HTR2C: variants seen among roughly 807,000 people sequenced by gnomAD.
HTR2C encodes the protein 5-hydroxytryptamine (serotonin) receptor 2C, G protein-coupled.
In HTR2C, 5 loss-of-function variants were observed where a neutral mutation model predicts 21.0. The ratio of observed to expected loss-of-function variants is 0.24; its 90% CI spans 0.12 to 0.50. The LOEUF (loss-of-function observed/expected upper bound fraction) is 0.50, where lower values mean the gene tolerates loss of function less well. Ranked by LOEUF, HTR2C falls within the 20% of genes least tolerant of loss-of-function variation. The pLI is 0.98. For synonymous variants in HTR2C, 150 were observed against 145.3 expected (o/e 1.03, Z -0.23); for missense variants, 271 against 371.2 (o/e 0.73, Z 2.22).
intron 4 of HTR2C, among the ~76,000 whole-genome samples, chrX:114,756,858 G>A (rs1262076446): frequency 1.8e-5 from 2 of 110,116 alleles, no homozygotes; most frequent in African/African-American, 6.6e-5. Context: ...GTGATCTCTC[G>A]GCATAATTTA....
At chrX:114,811,375 G>C (rs2147448992) in intron 4 of HTR2C, among the ~76,000 whole-genome samples, 1 of 109,595 alleles carries the variant, frequency 9.1e-6, no homozygotes, top group East Asian at 2.9e-4. Flanking sequence ...TTTATAGAAT[G>C]CTGTAAAGTC....
chrX:114,640,058 A>G (rs1387557445), intron 2 of HTR2C, among the ~76,000 whole-genome samples: 1 of 111,701 alleles, frequency 9.0e-6, no homozygotes, highest in Non-Finnish European at 1.9e-5. Context: ...AAGTAAATAT[A>G]ATCATCATTG....
chrX:114,696,412 C>T (rs372092466), intron 2 of HTR2C, among the ~76,000 whole-genome samples: 2 of 110,466 alleles, frequency 1.8e-5, no homozygotes, highest in African/African-American at 6.6e-5. Context: ...TACCGAGAAA[C>T]GAAAAAGAAT....
chrX:114,786,339 G>T (rs782693733), intron 4 of HTR2C, among the ~76,000 whole-genome samples: 73 of 111,676 alleles, frequency 6.5e-4, no homozygotes, highest in African/African-American at 2.3e-3. Flanking sequence ...TACAGAAAGG[G>T]TTACACATGA....
chrX:114,786,863 G>GT (rs1472712012), intron 4 of HTR2C, among the ~76,000 whole-genome samples: 1 of 110,494 alleles, frequency 9.1e-6, no homozygotes, highest in Non-Finnish European at 1.9e-5. Context: ...TGGGATTTTT[G>GT]TTTTTTTGTT....
At chrX:114,741,531 A>AAAAAAAAAAAAAAAAAAAT (rs2069647318) in intron 4 of HTR2C, among the ~76,000 whole-genome samples, 1 of 83,067 alleles carries the variant, frequency 1.2e-5, no homozygotes, top group African/African-American at 4.1e-5. Flanking sequence ...GTCTAAAAAA[A>AAAAAAAAAAAAAAAAAAAT]AAAAAAAAAA....
chrX:114,663,903 A>G (rs1931082221), intron 2 of HTR2C, among the ~76,000 whole-genome samples: 1 of 111,657 alleles, frequency 9.0e-6, no homozygotes, highest in South Asian at 3.8e-4. Flanking sequence ...AATTCTGACT[A>G]GATCATTTCC....
intron 5 of HTR2C, among the ~76,000 whole-genome samples, chrX:114,896,134 T>C (rs2147531861): frequency 8.9e-6 from 1 of 112,304 alleles, no homozygotes; most frequent in East Asian, 2.8e-4. Context: ...ATGGTTGTAA[T>C]TTGATTTTCC....
At chrX:114,743,851 A>G (rs1397329931) in intron 4 of HTR2C, among the ~76,000 whole-genome samples, 2 of 112,408 alleles carry the variant, frequency 1.8e-5, no homozygotes, top group Non-Finnish European at 3.8e-5. Flanking sequence ...AATAAAAAGT[A>G]ATGAACTATT....
intron 2 of HTR2C, chrX:114,715,295 C>G (rs1465798616): frequency 5.2e-6 from 2 of 383,324 alleles, no homozygotes; most frequent in Admixed American, 2.6e-5. Context: ...TGTTATTTGG[C>G]AATAAATACA....
intron 2 of HTR2C, among the ~76,000 whole-genome samples, chrX:114,722,706 T>C (rs1933271388): frequency 9.5e-6 from 1 of 105,324 alleles, no homozygotes; most frequent in Non-Finnish European, 2.0e-5. Context: ...CCTAATTTAT[T>C]GTGAGTTTTT....
At chrX:114,803,958 C>T (rs180679922) in intron 4 of HTR2C, among the ~76,000 whole-genome samples, 1 of 111,835 alleles carries the variant, frequency 8.9e-6, no homozygotes, top group Admixed American at 9.6e-5. Context: ...TTTAAAGGAA[C>T]ACCTAAATTG....
intron 2 of HTR2C, among the ~76,000 whole-genome samples, chrX:114,660,612 A>G (rs1490474372): frequency 8.9e-6 from 1 of 112,424 alleles, no homozygotes; most frequent in East Asian, 2.8e-4. Context: ...TGTGCATAAA[A>G]TTGCACATGA....
chrX:114,775,553 A>G, intron 4 of HTR2C: 1 of 497,614 alleles, frequency 2.0e-6, no homozygotes, highest in South Asian at 2.5e-5. Flanking sequence ...GAGGACAGTC[A>G]TGACTCCACC....
Position 114,906,618 on chromosome X carries a change from C to T in HTR2C, c.580C>T (p.Leu194=), listed in dbSNP as rs1556486775. 1.3e-5 allele frequency: 16 copies of T among 1,206,883 alleles called. No individual in the cohort carries two copies. The highest frequency in any genetic ancestry group is 1.8e-5 in the Non-Finnish European group (16 of 892,776). The change falls in exon 6 of 6, where the codon CTG becomes TTG. Residue 194 remains leucine, a synonymous_variant. Coordinates refer to ENST00000276198, the MANE Select transcript of HTR2C (RefSeq NM_000868.4). The part of the protein sequence containing the change: ...GVSVPIPVIG[L]RDEEKVFVNN... ...ATCAGTTCCTATCCCTGTGATTGGACTGAGGGACGAAGAAAAGGTGTTCGT... is the reference window on the plus strand; with the variant it reads ...ATCAGTTCCTATCCCTGTGATTGGATTGAGGGACGAAGAAAAGGTGTTCGT...
chrX:114,805,895 A>G (rs1431577326), intron 4 of HTR2C, among the ~76,000 whole-genome samples: 10 of 98,421 alleles, frequency 1.0e-4, no homozygotes. Flanking sequence ...TATACCATAT[A>G]TATACATCAT....
At chrX:114,839,943 G>A (rs782101208) in intron 4 of HTR2C, among the ~76,000 whole-genome samples, 2 of 110,884 alleles carry the variant, frequency 1.8e-5, no homozygotes, top group South Asian at 3.9e-4. Flanking sequence ...CATTTGAGCT[G>A]TAGCCCAAAT....
intron 2 of HTR2C, among the ~76,000 whole-genome samples, chrX:114,629,168 G>A (rs1031255069): frequency 2.7e-5 from 3 of 111,747 alleles, no homozygotes; most frequent in African/African-American, 9.8e-5. Context: ...GGGTTAATTT[G>A]TATCTTTCCC....
At chrX:114,619,715 C>G (rs1556401257) in intron 2 of HTR2C, among the ~76,000 whole-genome samples, 1 of 111,278 alleles carries the variant, frequency 9.0e-6, no homozygotes, top group African/African-American at 3.3e-5. Context: ...ACCATACCCC[C>G]TAACACAAGG....
Sources: gnomAD v4.1 joint callset for allele counts (sites outside exome capture counted in the v4.1 genomes callset) on GRCh38, gnomAD v4.1.1 for gene constraint, MANE v1.5 for transcripts, NCBI Gene and HGNC (gene_info 2026-07-23, HGNC 2026-07-21) for gene names.